LYST: variants seen among roughly 807,000 people sequenced by gnomAD.
LYST encodes lysosomal-trafficking regulator.
In LYST, 192 loss-of-function variants were observed where a neutral mutation model predicts 413.6. The observed-to-expected ratio is 0.46, with a 90% CI of 0.41 to 0.52. The LOEUF (loss-of-function observed/expected upper bound fraction) is 0.52. LYST is among the 20% of genes least tolerant of loss of function. The pLI is 0.00. For missense variants in LYST, 3,815 were observed against 4,499.9 expected (o/e 0.85, Z 4.35); for synonymous variants, 1,525 against 1,567.3 (o/e 0.97, Z 0.64).
intron 45 of LYST, among the ~76,000 whole-genome samples, chr1:235,700,506 T>G (rs1238613503): frequency 2.6e-5 from 4 of 152,204 alleles, no homozygotes; most frequent in Non-Finnish European, 5.9e-5. Context: ...TGTTTTGAAC[T>G]TCAATAGTGA....
intron 46 of LYST, among the ~76,000 whole-genome samples, chr1:235,695,033 T>C (rs1660972526): frequency 2.6e-5 from 4 of 152,226 alleles, no homozygotes; most frequent in Admixed American, 2.0e-4. Context: ...ACAACATTGT[T>C]CAGTCAATGC....
chr1:235,738,600 T>C (rs759740477), intron 31 of LYST: 7 of 1,609,202 alleles, frequency 4.3e-6, no homozygotes, highest in South Asian at 1.1e-5. Context: ...TGTGCCTGTA[T>C]GGAGTAAAGC....
At chr1:235,831,294 G>C (rs74490024) in intron 2 of LYST, among the ~76,000 whole-genome samples, 2,040 of 152,260 alleles carry the variant, frequency 0.013, 52 homozygotes, top group African/African-American at 0.047. Context: ...CTTGCCAAGA[G>C]GCACAGTCAA....
Position 235,697,250 on chromosome 1 carries a change from C to G in LYST, c.10397G>C (p.Gly3466Ala). The G allele has an allele frequency of 6.2e-7, 1 of 1,613,690 alleles. No homozygotes were observed. Among genetic ancestry groups the G allele is most frequent in the East Asian group, 2.2e-5 (1 of 44,866 alleles). ...TYPSPLSWIK[G>A]LKWGEYVGSP... ...ACCCACGTATTCCCCCCATTTCAAG[C>G]CTTTTATCCATGACAAAGGACTCTA... is the stretch of plus-strand genomic sequence containing the variant. Residue 3466 changes from glycine to alanine, a missense_variant, in exon 46 of 53, where the codon GGC becomes GCC. This residue lies in a region of LYST where 866 missense variants were observed against 1,156.0 expected (regional missense o/e 0.75). Transcript: ENST00000389793.
chr1:235,764,585 C>T (rs542904523), intron 21 of LYST, among the ~76,000 whole-genome samples: 130 of 150,654 alleles, frequency 8.6e-4, no homozygotes, highest in Non-Finnish European at 1.4e-3. Context: ...CTGCAACCAC[C>T]GCTTCCCGGG....
chr1:235,749,837 T>C (rs1404464711), intron 28 of LYST, among the ~76,000 whole-genome samples: 1 of 151,974 alleles, frequency 6.6e-6, no homozygotes, highest in Non-Finnish European at 1.5e-5. Flanking sequence ...GGTGACAAAA[T>C]GCTAGTATCT....
upstream of LYST, among the ~76,000 whole-genome samples, chr1:235,870,064 G>A (rs1270207146): frequency 1.3e-5 from 2 of 152,110 alleles, no homozygotes; most frequent in African/African-American, 4.8e-5. Context: ...AGGGGCCTCT[G>A]CCCTGGACCC....
At chr1:235,728,465 C>T (rs1005921156) in intron 37 of LYST, among the ~76,000 whole-genome samples, 4 of 152,200 alleles carry the variant, frequency 2.6e-5, no homozygotes, top group Admixed American at 2.6e-4. Flanking sequence ...ATTATTCTTA[C>T]ATTACTAGCA....
chr1:235,880,263 C>T (rs947372437), intron 1 of LYST, among the ~76,000 whole-genome samples: 1 of 152,144 alleles, frequency 6.6e-6, no homozygotes, highest in African/African-American at 2.4e-5. Context: ...ATTAGTTTAG[C>T]AATATATGTG....
intron 10 of LYST, among the ~76,000 whole-genome samples, chr1:235,796,714 A>G (rs1671591767): frequency 6.6e-6 from 1 of 152,152 alleles, no homozygotes; most frequent in Non-Finnish European, 1.5e-5. Context: ...GCATTTTGCC[A>G]TGTGAGGATG....
intron 46 of LYST, among the ~76,000 whole-genome samples, chr1:235,694,199 G>C (rs976939943): frequency 6.6e-6 from 1 of 151,628 alleles, no homozygotes; most frequent in Non-Finnish European, 1.5e-5. Flanking sequence ...ATTTTTAGTA[G>C]AGACGGGGTT....
intron 13 of LYST, 125 bp from the exon 14 acceptor site, chr1:235,787,498 T>C: frequency 1.2e-6 from 1 of 839,416 alleles, no homozygotes; most frequent in East Asian, 2.7e-5. Flanking sequence ...TTTTTTAAAG[T>C]GCTTGAAAAG....
At chr1:235,701,330 T>C (rs934280716) in intron 45 of LYST, among the ~76,000 whole-genome samples, 1 of 152,176 alleles carries the variant, frequency 6.6e-6, no homozygotes, top group African/African-American at 2.4e-5. Context: ...TATGCTGACA[T>C]GTTAAAGTGA....
Position 235,741,517 on chromosome 1 carries a change from C to G in LYST, c.8263G>C (p.Ala2755Pro). 1 of 1,614,028 alleles carries G rather than the reference C, an allele frequency of 6.2e-7. No individual in the cohort carries two copies. The highest frequency in any genetic ancestry group is 8.5e-7 in the Non-Finnish European group (1 of 1,179,926). Residue 2755 changes from alanine to proline, a missense_variant, in exon 31 of 53, where the codon GCC (alanine) becomes CCC (proline). Around this residue, in one of 4 missense-constraint regions of LYST, gnomAD observed 771 missense variants for 837.1 expected, o/e 0.92. Coordinates refer to ENST00000389793, the MANE Select transcript of LYST (RefSeq NM_000081.4). The part of the protein sequence containing the change: ...GRLLVHILSP[A>P]HAAQERKQIF... Reference sequence around the variant, plus strand: ...TGCTTTCTCTCTTGTGCAGCGTGGGCTGGCGACAAAATATGCACTAGTAGT... The same window carrying G: ...TGCTTTCTCTCTTGTGCAGCGTGGGGTGGCGACAAAATATGCACTAGTAGT...
intron 30 of LYST, among the ~76,000 whole-genome samples, chr1:235,742,010 A>T (rs1665445781): frequency 6.6e-6 from 1 of 152,228 alleles, no homozygotes; most frequent in Non-Finnish European, 1.5e-5. Context: ...AGCCATATAT[A>T]AAAGGACAAA....
chr1:235,875,935 C>G (rs1681113013), intron 1 of LYST, among the ~76,000 whole-genome samples: 1 of 152,098 alleles, frequency 6.6e-6, no homozygotes, highest in African/African-American at 2.4e-5. Context: ...TATGCTTTTT[C>G]TTGGCCGGGC....
intron 31 of LYST, chr1:235,738,851 C>G: frequency 1.3e-6 from 1 of 769,958 alleles, no homozygotes; most frequent in Non-Finnish European, 2.4e-6. Flanking sequence ...AGGATGATGT[C>G]TTCCTTAGCA....
intron 2 of LYST, among the ~76,000 whole-genome samples, chr1:235,831,334 T>C (rs560540195): frequency 9.2e-5 from 14 of 152,240 alleles, no homozygotes; most frequent in African/African-American, 2.6e-4. Flanking sequence ...CTACAATCCA[T>C]GCTCATCACA....
intron 39 of LYST, 36 bp from the exon 40 acceptor site, chr1:235,720,941 AT>A: frequency 6.2e-7 from 1 of 1,605,132 alleles, no homozygotes. Flanking sequence ...CCCAGATATT[AT>A]TTTTAGTCTT....
Sources: gnomAD v4.1 joint callset for allele counts (sites outside exome capture counted in the v4.1 genomes callset) on GRCh38, gnomAD v4.1.1 for gene constraint, gnomAD v4.1.1 regional missense constraint, MANE v1.5 for transcripts, NCBI Gene and HGNC (gene_info 2026-07-23, HGNC 2026-07-21) for gene names.